TNFSF4: variants seen among roughly 807,000 people sequenced by gnomAD.
TNFSF4 encodes TNF superfamily member 4, also known as tumor necrosis factor ligand superfamily member 4.
A neutral mutation model predicts 7.3 loss-of-function variants in TNFSF4; 4 were observed. That is an observed-to-expected ratio of 0.55 (90% CI 0.27 to 1.25). The LOEUF (loss-of-function observed/expected upper bound fraction) is 1.25. TNFSF4 is among the 50% of genes most tolerant of loss of function. TNFSF4 has a pLI of 0.12. For synonymous variants in TNFSF4, 76 were observed against 83.7 expected (o/e 0.91, Z 0.50); for missense variants, 181 against 208.8 (o/e 0.87, Z 0.82).
the TNFSF4 span, among the ~76,000 whole-genome samples, chr1:173,334,265 A>C: frequency 6.6e-6 from 1 of 152,192 alleles, no homozygotes; most frequent in African/African-American, 2.4e-5. Context: ...TAATCTGGCA[A>C]TAGGGAGACA....
chr1:173,310,958 T>C, the TNFSF4 span, among the ~76,000 whole-genome samples: 1 of 151,958 alleles, frequency 6.6e-6, no homozygotes, highest in Non-Finnish European at 1.5e-5. Context: ...TGGTAGATAT[T>C]TACCATCATG....
At chr1:173,353,648 G>C in the TNFSF4 span, among the ~76,000 whole-genome samples, 1 of 152,166 alleles carries the variant, frequency 6.6e-6, no homozygotes, top group African/African-American at 2.4e-5. Context: ...TTTCGTAAGA[G>C]CCATGTTAGA....
the TNFSF4 span, chr1:173,363,402 C>T: frequency 3.0e-6 from 1 of 334,710 alleles, no homozygotes; most frequent in Non-Finnish European, 6.0e-6. Flanking sequence ...TCTTTGAATT[C>T]TCCCTTTCCC....
chr1:173,221,311 A>T, the TNFSF4 span, among the ~76,000 whole-genome samples: 4 of 152,316 alleles, frequency 2.6e-5, no homozygotes, highest in Non-Finnish European at 5.9e-5. Flanking sequence ...TCATGTTTTT[A>T]AAAGCCAGTT....
the TNFSF4 span, among the ~76,000 whole-genome samples, chr1:173,254,406 T>C: frequency 6.6e-6 from 1 of 152,162 alleles, no homozygotes; most frequent in Non-Finnish European, 1.5e-5. Context: ...ACTTTTTTTT[T>C]CTAAGAGTTA....
At chr1:173,408,719 C>T in the TNFSF4 span, among the ~76,000 whole-genome samples, 19 of 151,980 alleles carry the variant, frequency 1.3e-4, no homozygotes, top group African/African-American at 4.6e-4. Context: ...TACCGAGTAG[C>T]TGGGACTACA....
At chr1:173,329,524 G>A in the TNFSF4 span, among the ~76,000 whole-genome samples, 6 of 152,080 alleles carry the variant, frequency 3.9e-5, no homozygotes, top group African/African-American at 7.2e-5. Flanking sequence ...AATGTACTGC[G>A]GCTATATAAA....
the TNFSF4 span, among the ~76,000 whole-genome samples, chr1:173,356,587 G>A: frequency 0.65 from 98,639 of 152,056 alleles, 32,029 homozygotes; most frequent in Admixed American, 0.69. Flanking sequence ...AGTATTCTTT[G>A]CATTATACTC....
chr1:173,297,060 G>A, the TNFSF4 span, among the ~76,000 whole-genome samples: 2 of 151,916 alleles, frequency 1.3e-5, 1 homozygote, highest in South Asian at 4.1e-4. Flanking sequence ...GTTCCAGACT[G>A]GAGACATAAT....
the TNFSF4 span, among the ~76,000 whole-genome samples, chr1:173,234,761 A>G: frequency 1.8e-4 from 27 of 152,112 alleles, no homozygotes; most frequent in Non-Finnish European, 2.2e-4. Flanking sequence ...ACTTGGACAC[A>G]GGAAGGGGAA....
At chr1:173,370,246 G>A in the TNFSF4 span, among the ~76,000 whole-genome samples, 3 of 152,166 alleles carry the variant, frequency 2.0e-5, no homozygotes, top group African/African-American at 7.2e-5. Flanking sequence ...ATCAAACCCT[G>A]GCCTTTAATG....
the TNFSF4 span, among the ~76,000 whole-genome samples, chr1:173,255,912 A>G: frequency 6.6e-6 from 1 of 152,224 alleles, no homozygotes; most frequent in African/African-American, 2.4e-5. Context: ...TACCATTGTA[A>G]TAACATCATC....
In TNFSF4 at chr1:173,186,247, A is replaced by C. The variant is rs1649219805; in HGVS notation, c.*269T>G. On this transcript the variant is annotated 3_prime_UTR_variant, in exon 3 of 3. Coordinates refer to ENST00000281834, the MANE Select transcript of TNFSF4 (RefSeq NM_003326.5). ...AAGAGGCATCTATTTTTTCTTTCTC[A>C]CAAAGGTGCCTAGTAGGCTCAAGGC... 1 of 351,574 alleles carries C rather than the reference A, an allele frequency of 2.8e-6. No homozygotes were observed. Among genetic ancestry groups the C allele is most frequent in the Admixed American group, 4.2e-5 (1 of 23,568 alleles). The allele number at this position is 351,574 out of a possible 1,614,324, so 21.8% of individuals were successfully genotyped here. A position where few individuals can be genotyped will look rare whatever the true frequency, so the allele number is the denominator to read the frequency against.
At chr1:173,299,795 C>T in the TNFSF4 span, among the ~76,000 whole-genome samples, 1 of 151,780 alleles carries the variant, frequency 6.6e-6, no homozygotes, top group Non-Finnish European at 1.5e-5. Flanking sequence ...ATTCCACCTG[C>T]CCCCAACATG....
At chr1:173,273,320 C>T in the TNFSF4 span, among the ~76,000 whole-genome samples, 1 of 152,104 alleles carries the variant, frequency 6.6e-6, no homozygotes, top group African/African-American at 2.4e-5. Context: ...CGTGTTGCTC[C>T]TGATACGGAC....
the TNFSF4 span, among the ~76,000 whole-genome samples, chr1:173,292,001 A>G: frequency 1.3e-5 from 2 of 151,326 alleles, no homozygotes; most frequent in African/African-American, 4.9e-5. Context: ...AAAAAAATCT[A>G]CCAACAAAAA....
chr1:173,271,292 A>G, the TNFSF4 span, among the ~76,000 whole-genome samples: 1 of 152,166 alleles, frequency 6.6e-6, no homozygotes, highest in Non-Finnish European at 1.5e-5. Flanking sequence ...CTAACATTTA[A>G]GTCTTTAATC....
the TNFSF4 span, among the ~76,000 whole-genome samples, chr1:173,287,694 G>A: frequency 5.3e-5 from 8 of 151,878 alleles, no homozygotes; most frequent in Non-Finnish European, 4.4e-5. Context: ...ATAATAGAAC[G>A]GAGAAAAATT....
the TNFSF4 span, among the ~76,000 whole-genome samples, chr1:173,290,016 A>G: frequency 4.6e-5 from 7 of 152,154 alleles, no homozygotes; most frequent in Non-Finnish European, 1.0e-4. Flanking sequence ...TTACAAGCCT[A>G]TAGACCCAAG....
Sources: allele counts gnomAD v4.1 joint callset (sites outside exome capture counted in the v4.1 genomes callset), GRCh38; gene constraint gnomAD v4.1.1; transcripts MANE v1.5; gene names NCBI Gene and HGNC (gene_info 2026-07-23, HGNC 2026-07-21).